VEZF1: variants seen among roughly 807,000 people sequenced by gnomAD.
The protein encoded by VEZF1 is putative transcription factor DB1.
A neutral mutation model predicts 44.1 loss-of-function variants in VEZF1; 5 were observed. The ratio of observed to expected loss-of-function variants is 0.11; its 90% CI spans 0.06 to 0.24. The LOEUF is 0.24. Ranked by LOEUF, VEZF1 falls within the 10% of genes least tolerant of loss-of-function variation. The pLI is 1.00. For missense variants in VEZF1, 358 were observed against 641.8 expected (o/e 0.56, Z 4.78); for synonymous variants, 236 against 233.1 (o/e 1.01, Z -0.11).
intron 1 of VEZF1, among the ~76,000 whole-genome samples, chr17:57,983,998 A>G (rs1247839800): frequency 6.6e-6 from 1 of 152,224 alleles, no homozygotes; most frequent in Admixed American, 6.5e-5. Context: ...TTGAAACAAA[A>G]TCTGCTATGA....
In VEZF1 at chr17:57,974,569, T is replaced by C; in HGVS notation, c.1470A>G (p.Thr490=). ...VTITSPMNLP[T]PMTLAAPLNI... ...TGAGAGGGGCGGCTAATGTCATAGG[T>C]GTGGGTAGATTCATTGGAGATGTGA... Residue 490 remains threonine, a synonymous_variant, in exon 6 of 6, where the codon ACA becomes ACG. Coordinates refer to ENST00000581208, the MANE Select transcript of VEZF1 (RefSeq NM_007146.3). 3.7e-6 allele frequency: 6 copies of C among 1,613,980 alleles called. No homozygotes were observed. Among genetic ancestry groups the C allele is most frequent in the Non-Finnish European group, 5.1e-6 (6 of 1,179,998 alleles).
chr17:57,979,970 C>CAAAAAAAAA (rs11359148), intron 4 of VEZF1, among the ~76,000 whole-genome samples: 772 of 65,462 alleles, frequency 0.012, 1 homozygote, highest in East Asian at 0.021. Flanking sequence ...GACTCCGTCT[C>CAAAAAAAAA]AAAAAAAAAA....
chr17:57,982,998 G>A lies in VEZF1; in HGVS notation c.429C>T (p.Ser143=). The A allele has an allele frequency of 6.2e-7, 1 of 1,614,194 alleles. No homozygotes were observed. Among genetic ancestry groups the A allele is most frequent in the Non-Finnish European group, 8.5e-7 (1 of 1,180,034 alleles). Residue 143 remains serine, a synonymous_variant, in exon 2 of 6, where the codon TCC becomes TCT. Transcript: ENST00000581208. ...CACTGCTACTGGGGTTGGTGCCCGAGGAAGATGTAGTGACTGTTGACAAGA... is the reference window on the plus strand; with the variant it reads ...CACTGCTACTGGGGTTGGTGCCCGAAGAAGATGTAGTGACTGTTGACAAGA... ...AGILSTVTTS[S]SGTNPSSSAS...
In VEZF1 at chr17:57,981,954, T is replaced by G. The variant is rs752494002; in HGVS notation, c.729-18A>C. On this transcript the variant is annotated intron_variant, in intron 2 of 5. Transcript: ENST00000581208. ...GGTCAGGCCTGTGAAAAAGAGAGTT[T>G]CAACAGAAGATATAATCGAACACAT... 6 of 1,612,862 alleles carry G rather than the reference T, an allele frequency of 3.7e-6. No homozygotes were observed. The Admixed American group carries it at 1.0e-4, about 27-fold the overall frequency.
chr17:57,982,595 T>G, intron 2 of VEZF1, 104 bp downstream of exon 2: 4 of 1,113,134 alleles, frequency 3.6e-6, no homozygotes. Context: ...AACACAGGTC[T>G]GCCCACATCT....
rs2075319621 is a variant in VEZF1 at position 57,988,141 on chromosome 17, ACTCCCCCCG to A, written c.-39_-31del. The A allele has an allele frequency of 2.9e-6, 2 of 678,182 alleles. No individual in the cohort carries two copies. The highest frequency in any genetic ancestry group is 3.8e-6 in the Non-Finnish European group (2 of 527,942). The allele number at this position is 678,182 out of a possible 1,614,324, so 42.0% of individuals were successfully genotyped here. On this transcript the variant is annotated 5_prime_UTR_variant, in exon 1 of 6. Coordinates refer to ENST00000581208, the MANE Select transcript of VEZF1 (RefSeq NM_007146.3). ...GCGGCGGCCGACCCCCCTCCTCCCC[ACTCCCCCCG>A]CTCGGGGAGCCTCCTCAGCCGGAGG...
rs1567740464 is a variant in VEZF1 at position 57,983,302 on chromosome 17, G to C, written c.125C>G (p.Pro42Arg). The C allele has an allele frequency of 6.2e-7, 1 of 1,614,162 alleles. No homozygotes were observed. The highest frequency in any genetic ancestry group is 8.5e-7 in the Non-Finnish European group (1 of 1,180,046). The change falls in exon 2 of 6, where the codon CCA (proline) becomes CGA (arginine). Residue 42 changes from proline to arginine, a missense_variant. By Grantham distance (103) the Pro-to-Arg change is moderately radical (BLOSUM62 -2). Around this residue, in one of 4 missense-constraint regions of VEZF1, gnomAD observed 117 missense variants for 207.2 expected, o/e 0.56. Transcript: ENST00000581208. ...CTGAGTTATTGGTATTGGAAGCAAT[G>C]GTTTCTGATCAGGGGGCTCCACGGC... ...SSAVEPPDQK[P>R]LLPIPITQKP...
Position 57,982,851 on chromosome 17 carries a change from G to T in VEZF1, c.576C>A (p.His192Gln). The change falls in exon 2 of 6, where the codon CAC (histidine) becomes CAA (glutamine). Residue 192 changes from histidine (H) to glutamine (Q), a missense_variant. By Grantham distance (24) the His-to-Gln change is conservative. Coordinates refer to ENST00000581208, the MANE Select transcript of VEZF1 (RefSeq NM_007146.3). ...GTTTCTCATCTGAATGGGAGAGCTT[G>T]TGTCGATTGAGATGGTACACATCTC... ...AFRDVYHLNR[H>Q]KLSHSDEKPF... The T allele has an allele frequency of 6.2e-7, 1 of 1,614,206 alleles. No individual in the cohort carries two copies. The highest frequency in any genetic ancestry group is 2.2e-5 in the East Asian group (1 of 44,882).
In VEZF1 at chr17:57,973,280, A is replaced by C. The variant is rs2075155167; in HGVS notation, c.*1193T>G. On this transcript the variant is annotated 3_prime_UTR_variant, in exon 6 of 6. Coordinates refer to ENST00000581208, the MANE Select transcript of VEZF1 (RefSeq NM_007146.3). The stretch of plus-strand genomic sequence containing the variant: ...TGCAGACAGCTGTCTCCCTGAAAAC[A>C]CCACAAAGCTGATACAAGTGTTTTC... 6.6e-6 allele frequency: 1 copy of C among 152,256 alleles called. No homozygotes were observed. The allele number at this position is 152,256 out of a possible 1,614,324, so 9.4% of individuals were successfully genotyped here. A position where few individuals can be genotyped will look rare whatever the true frequency, so the allele number is the denominator to read the frequency against.
chr17:57,987,120 G>A (rs1035479410), intron 1 of VEZF1, among the ~76,000 whole-genome samples: 3 of 152,228 alleles, frequency 2.0e-5, no homozygotes, highest in East Asian at 3.8e-4. Flanking sequence ...TTGCAAAAAA[G>A]CGAAGACCAA....
intron 5 of VEZF1, among the ~76,000 whole-genome samples, chr17:57,978,737 A>T (rs2075216826): frequency 6.6e-6 from 1 of 152,160 alleles, no homozygotes; most frequent in African/African-American, 2.4e-5. Context: ...AAAATAGCAC[A>T]GTTGTAAGAA....
At position 57,988,166 on chromosome 17, in the gene VEZF1, C is replaced by A; in HGVS notation, c.-55G>T. 1.9e-6 allele frequency: 1 copy of A among 515,426 alleles called. No homozygotes were observed. Among genetic ancestry groups the A allele is most frequent in the Non-Finnish European group, 2.7e-6 (1 of 364,214 alleles). The allele number at this position is 515,426 out of a possible 1,614,324, so 31.9% of individuals were successfully genotyped here. ...ACTCCCCCCGCTCGGGGAGCCTCCT[C>A]AGCCGGAGGAGGCGACAACAAAGCG... is the stretch of plus-strand genomic sequence containing the variant. On this transcript the variant is annotated 5_prime_UTR_variant, in exon 1 of 6. It removes the in-frame stop codon of an upstream open reading frame in the 5' UTR. Coordinates refer to ENST00000581208, the MANE Select transcript of VEZF1 (RefSeq NM_007146.3).
In VEZF1 at chr17:57,974,653, G is replaced by C. The variant is rs768639267; in HGVS notation, c.1386C>G (p.Thr462=). The change falls in exon 6 of 6, where the codon ACC becomes ACG. Residue 462 remains threonine, a synonymous_variant. Coordinates refer to ENST00000581208, the MANE Select transcript of VEZF1 (RefSeq NM_007146.3). The part of the protein sequence containing the change: ...LSMTSPLTLT[T]PVNLPTPVTA... ...TGACGGGGGTGGGGAGGTTGACTGG[G>C]GTAGTGAGTGTTAAAGGAGAGGTCA... is the stretch of plus-strand genomic sequence containing the variant. The C allele has an allele frequency of 6.2e-7, 1 of 1,614,122 alleles. No individual in the cohort carries two copies. Among genetic ancestry groups the C allele is most frequent in the African/African-American group, 1.3e-5 (1 of 75,016 alleles).
chr17:57,988,152 T>C lies in VEZF1; in HGVS notation c.-41A>G. 1.6e-6 allele frequency: 1 copy of C among 611,636 alleles called. No individual in the cohort carries two copies. The highest frequency in any genetic ancestry group is 2.2e-6 in the Non-Finnish European group (1 of 459,416). 37.9% of individuals were successfully genotyped at this position (611,636 alleles called of 1,614,324 possible). ...CCCCCCTCCTCCCCACTCCCCCCGCTCGGGGAGCCTCCTCAGCCGGAGGAG... is the reference window on the plus strand; with the variant it reads ...CCCCCCTCCTCCCCACTCCCCCCGCCCGGGGAGCCTCCTCAGCCGGAGGAG... On this transcript the variant is annotated 5_prime_UTR_variant, in exon 1 of 6. Coordinates refer to ENST00000581208, the MANE Select transcript of VEZF1 (RefSeq NM_007146.3).
chr17:57,977,241 T>C (rs2075200854), intron 5 of VEZF1, among the ~76,000 whole-genome samples: 1 of 152,092 alleles, frequency 6.6e-6, no homozygotes. Context: ...CTTAGCTTCC[T>C]GAGTAGCGGG....
chr17:57,981,386 G>C (rs969267864), intron 3 of VEZF1, among the ~76,000 whole-genome samples: 2 of 152,132 alleles, frequency 1.3e-5, no homozygotes, highest in Admixed American at 1.3e-4. Flanking sequence ...TATTATAATT[G>C]ATGTCAAATA....
intron 1 of VEZF1, among the ~76,000 whole-genome samples, chr17:57,984,080 T>C (rs1268295464): frequency 2.0e-5 from 3 of 152,262 alleles, no homozygotes; most frequent in Admixed American, 1.3e-4. Flanking sequence ...GTCATTTAAT[T>C]GTATACTGAA....
intron 2 of VEZF1, among the ~76,000 whole-genome samples, 185 bp downstream of exon 2, chr17:57,982,514 C>T (rs557853492): frequency 6.6e-6 from 1 of 152,262 alleles, no homozygotes; most frequent in Non-Finnish European, 1.5e-5. Flanking sequence ...TATGTCACCA[C>T]TTGTCAATCA....
At chr17:57,979,540 A>T (rs1234297274) in intron 4 of VEZF1, among the ~76,000 whole-genome samples, 3 of 142,330 alleles carry the variant, frequency 2.1e-5, no homozygotes, top group African/African-American at 2.8e-5. Context: ...TCTTTGCTAT[A>T]AAAAAAAAAC....
Sources: gnomAD v4.1 joint callset for allele counts (sites outside exome capture counted in the v4.1 genomes callset) on GRCh38, gnomAD v4.1.1 for gene constraint, gnomAD v4.1.1 regional missense constraint, MANE v1.5 for transcripts, NCBI Gene and HGNC (gene_info 2026-07-23, HGNC 2026-07-21) for gene names.